The following SETD9 variants were observed in gnomAD, a reference collection of about 807,000 sequenced individuals.
The protein encoded by SETD9 is SET domain containing 9.
SETD9 carries 37 observed loss-of-function variants against 36.4 expected under a neutral mutation model. That is an observed-to-expected ratio of 1.02 (90% CI 0.78 to 1.34). SETD9 has a LOEUF of 1.34. Among genes scored for constraint, SETD9 ranks in the 40% most tolerant of loss-of-function variants. The pLI, the probability that SETD9 is intolerant of heterozygous loss-of-function variation, is 0.00. For synonymous variants in SETD9, 128 were observed against 132.9 expected (o/e 0.96, Z 0.26); for missense variants, 323 against 353.2 (o/e 0.91, Z 0.69).
rs867276015 is a variant in SETD9, at chr5:56,909,826, G to A, written c.98+83G>A. On this transcript the variant is annotated intron_variant, in intron 1 of 5. Coordinates refer to ENST00000285947, the MANE Select transcript of SETD9 (RefSeq NM_153706.4). ...ACGGCGGCGGGACGCAAAGCGGAGA[G>A]CCTGAGGCTGACTGCCGGCCTGAGA... 26 of 1,264,004 alleles carry A rather than the reference G, an allele frequency of 2.1e-5. No individual in the cohort carries two copies. The Middle Eastern group carries it at 9.5e-4, about 46-fold the overall frequency. The allele number at this position is 1,264,004 out of a possible 1,614,324, so 78.3% of individuals were successfully genotyped here.
At chr5:56,925,961 T>A (rs192699257), downstream of SETD9, among the ~76,000 whole-genome samples, 31 of 152,190 alleles carry the variant, frequency 2.0e-4, no homozygotes, top group Admixed American at 1.1e-3. Context: ...AGTCAACTGA[T>A]CTTTAACCAA....
At chr5:56,922,869 G>A in intron 5 of SETD9, 1 of 450,382 alleles carries the variant, frequency 2.2e-6, no homozygotes, top group East Asian at 4.1e-5. Flanking sequence ...TGGGAGATGA[G>A]GAAGAGAGAA....
rs1326349630 is a variant in SETD9 at position 56,911,257 on chromosome 5, C to G, written c.187C>G (p.Leu63Val). The change falls in exon 2 of 6, where the codon CTA becomes GTA. Residue 63 changes from leucine (L) to valine (V), a missense_variant. Transcript: ENST00000285947. ...AACATTACTGAAAGTTTTCCAGGCTCTATTCTTAAATGATTTCAATAAACA... is the reference window on the plus strand; with the variant it reads ...AACATTACTGAAAGTTTTCCAGGCTGTATTCTTAAATGATTTCAATAAACA... ...LGTLLKVFQA[L>V]FLNDFNKQSE... The G allele has an allele frequency of 6.2e-7, 1 of 1,608,854 alleles. No individual in the cohort carries two copies. The highest frequency in any genetic ancestry group is 8.5e-7 in the Non-Finnish European group (1 of 1,178,158).
At chr5:56,923,629 A>G (rs771617542) in intron 5 of SETD9, 1 of 1,612,996 alleles carries the variant, frequency 6.2e-7, no homozygotes, top group South Asian at 1.1e-5. Context: ...GTCCTATGAC[A>G]TCAAACAGAG....
chr5:56,913,998 G>T lies in SETD9; in HGVS notation c.706+9G>T. The T allele has an allele frequency of 1.3e-6, 2 of 1,572,874 alleles. No homozygotes were observed. The highest frequency in any genetic ancestry group is 1.8e-6 in the Non-Finnish European group (2 of 1,142,464). On this transcript the variant is annotated intron_variant, in intron 4 of 5. Coordinates refer to ENST00000285947, the MANE Select transcript of SETD9 (RefSeq NM_153706.4). ...CAACAATTGTTCCAATGGTAAGAAG[G>T]CATCATGGGGCTGTGAGATGAGATA...
downstream of SETD9, chr5:56,919,965 C>T (rs1749589851): frequency 1.3e-5 from 2 of 152,502 alleles, no homozygotes; most frequent in Admixed American, 1.3e-4. Context: ...CATTTGTAGA[C>T]AATGTGCTTT....
intron 1 of SETD9, 191 bp downstream of exon 1, chr5:56,909,934 G>A: frequency 1.8e-6 from 2 of 1,086,024 alleles, no homozygotes; most frequent in Admixed American, 3.1e-5. Context: ...TAAGGAACGC[G>A]GGCCAGAGGC....
rs544262996 is a variant in SETD9 at position 56,913,907 on chromosome 5, A to G, written c.624A>G (p.Leu208=). The G allele has an allele frequency of 9.5e-5, 154 of 1,613,626 alleles. No individual in the cohort carries two copies. Among genetic ancestry groups the G allele is most frequent in the Non-Finnish European group, 1.2e-4 (146 of 1,179,686 alleles). The change falls in exon 4 of 6, where the codon TTA becomes TTG. Residue 208 remains leucine, a synonymous_variant. Transcript: ENST00000285947. ...ATGGGAGGGATCGACTCGGCCCTTT[A>G]AAAATGAGTGATAGTACATGGCTAA... ...SCNGRDRLGP[L]KMSDSTWLTS...
downstream of SETD9, chr5:56,920,923 T>C (rs532995455): frequency 6.6e-6 from 1 of 152,558 alleles, no homozygotes; most frequent in Non-Finnish European, 1.5e-5. Context: ...CATTTAAAAA[T>C]CTATTAAACT....
intron 3 of SETD9, 70 bp downstream of exon 3, chr5:56,913,204 A>C: frequency 6.6e-7 from 1 of 1,511,388 alleles, no homozygotes; most frequent in South Asian, 1.2e-5. Context: ...ATTATGACTA[A>C]TAGCATTTGT....
At chr5:56,918,661 C>A (rs780906953), downstream of SETD9, among the ~76,000 whole-genome samples, 29 of 152,156 alleles carry the variant, frequency 1.9e-4, no homozygotes, top group Non-Finnish European at 3.4e-4. Context: ...ACCACAGAGC[C>A]CTATGTGCTA....
At chr5:56,909,574 C>G, upstream of SETD9, 3 of 1,273,918 alleles carry the variant, frequency 2.4e-6, no homozygotes, top group Non-Finnish European at 3.2e-6. Context: ...CCTCTCCTCC[C>G]GGGCCGGGGC....
upstream of SETD9, chr5:56,909,294 C>T (rs2111997387): frequency 4.8e-6 from 1 of 209,446 alleles, no homozygotes; most frequent in African/African-American, 2.3e-5. Flanking sequence ...GCGGTCCGCT[C>T]CTGGGACGCG....
chr5:56,925,303 A>T (rs1251839848), intron 5 of SETD9: 1 of 454,118 alleles, frequency 2.2e-6, no homozygotes, highest in South Asian at 1.6e-5. Context: ...CAGATTGGGA[A>T]GGAAGAAATA....
chr5:56,912,308 T>A (rs1749179997), intron 2 of SETD9: 1 of 810,056 alleles, frequency 1.2e-6, no homozygotes, highest in Non-Finnish European at 1.5e-6. Flanking sequence ...CTAAATAGAC[T>A]ACGTTATGTG....
intron 5 of SETD9, 143 bp downstream of exon 5, chr5:56,915,109 C>T (rs780231517): frequency 6.6e-5 from 29 of 439,902 alleles, no homozygotes; most frequent in Admixed American, 1.9e-4. Context: ...CACACCTTAA[C>T]GTGTTAATGT....
downstream of SETD9, chr5:56,925,534 G>A: frequency 6.6e-4 from 141 of 214,712 alleles, no homozygotes; most frequent in South Asian, 1.3e-3. Context: ...AAAATACTTG[G>A]GTATAAATAT....
chr5:56,916,957 T>G lies in SETD9; in HGVS notation c.*55T>G. 3.9e-6 allele frequency: 6 copies of G among 1,533,654 alleles called. No individual in the cohort carries two copies. Among genetic ancestry groups the G allele is most frequent in the Non-Finnish European group, 5.2e-6 (6 of 1,147,840 alleles). Reference sequence around the variant, plus strand: ...TACTCAGCTATTAATTCTAAGTGTTTTTTGTTAATCACTTCTCTGAGTTCT... The same window carrying G: ...TACTCAGCTATTAATTCTAAGTGTTGTTTGTTAATCACTTCTCTGAGTTCT... On this transcript the variant is annotated 3_prime_UTR_variant, in exon 6 of 6. Coordinates refer to ENST00000285947, the MANE Select transcript of SETD9 (RefSeq NM_153706.4).
downstream of SETD9, chr5:56,928,652 A>G: frequency 2.1e-6 from 1 of 486,150 alleles, no homozygotes; most frequent in Non-Finnish European, 3.5e-6. Context: ...GATATCTGAA[A>G]TGCTATAAGG....
Sources: allele counts gnomAD v4.1 joint callset (sites outside exome capture counted in the v4.1 genomes callset), GRCh38; gene constraint gnomAD v4.1.1; transcripts MANE v1.5; gene names NCBI Gene and HGNC (gene_info 2026-07-23, HGNC 2026-07-21).